The following ZNF519 variants were observed in gnomAD, a reference collection of about 807,000 sequenced individuals.
The protein encoded by ZNF519 is zinc finger protein 519.
Under a neutral mutation model 7.4 loss-of-function variants are expected in ZNF519, and 7 were observed. That is an observed-to-expected ratio of 0.94 (90% CI 0.54 to 1.77). The LOEUF (loss-of-function observed/expected upper bound fraction) is 1.77. ZNF519 is among the 40% of genes most tolerant of loss of function. ZNF519 has a pLI of 0.00. For synonymous variants in ZNF519, 179 were observed against 203.3 expected (o/e 0.88, Z 1.02); for missense variants, 586 against 623.1 (o/e 0.94, Z 0.63).
At chr18:14,079,269 C>A (rs1567937142) in intron 3 of ZNF519, among the ~76,000 whole-genome samples, 1 of 152,136 alleles carries the variant, frequency 6.6e-6, no homozygotes, top group Non-Finnish European at 1.5e-5. Context: ...AACAGAAGAA[C>A]TAAACAAATG....
rs374138718 is a variant in ZNF519, at chr18:14,105,975, C to T, written c.565G>A (p.Val189Ile). 2 of 1,594,754 alleles carry T rather than the reference C, an allele frequency of 1.3e-6. No homozygotes were observed. The highest frequency in any genetic ancestry group is 1.7e-6 in the Non-Finnish European group (2 of 1,167,950). Residue 189 changes from valine (V) to isoleucine (I), a missense_variant, in exon 3 of 3, where the codon GTA (valine) becomes ATA (isoleucine). By Grantham distance (29) the Val-to-Ile change is conservative (BLOSUM62 3). Transcript: ENST00000590202. ...NYYNCNECEK[V>I]FYQSSKLIFP... ...ATAAGCTTTGAGGATTGGTAAAATA[C>T]TTTTTCACATTCATTACAATTGTAA...
At chr18:14,120,907 T>C (rs1345363093) in intron 2 of ZNF519, among the ~76,000 whole-genome samples, 2 of 152,130 alleles carry the variant, frequency 1.3e-5, no homozygotes, top group Admixed American at 1.3e-4. Flanking sequence ...TGAAGAAGTA[T>C]CTTCAGCCCC....
rs544973924 is a variant in ZNF519 at position 14,132,396 on chromosome 18, C to A, written c.-119G>T. On this transcript the variant is annotated 5_prime_UTR_variant, in exon 1 of 3. Transcript: ENST00000590202. ...GTCTCCCGGAGCAGAGGACACAAGGCAATGAAGCCCTAACCCCGCGCTCTG... is the reference window on the plus strand; with the variant it reads ...GTCTCCCGGAGCAGAGGACACAAGGAAATGAAGCCCTAACCCCGCGCTCTG... 15 of 1,294,410 alleles carry A rather than the reference C, an allele frequency of 1.2e-5. No individual in the cohort carries two copies. The highest frequency in any genetic ancestry group is 5.5e-5 in the Admixed American group (3 of 54,618). The allele number at this position is 1,294,410 out of a possible 1,614,324, so 80.2% of individuals were successfully genotyped here. A position where few individuals can be genotyped will look rare whatever the true frequency, so the allele number is the denominator to read the frequency against.
At chr18:14,124,543 T>C (rs1010818960) in intron 1 of ZNF519, 67 bp from the exon 2 acceptor site, 24 of 1,548,710 alleles carry the variant, frequency 1.5e-5, no homozygotes, top group Non-Finnish European at 1.9e-5. Context: ...TTAAAATAAC[T>C]AGTTCTGACT....
chr18:14,109,294 T>G (rs2046209906), intron 2 of ZNF519, among the ~76,000 whole-genome samples: 1 of 152,124 alleles, frequency 6.6e-6, no homozygotes, highest in South Asian at 2.1e-4. Flanking sequence ...CTTTCAGCAT[T>G]GAATAAATCT....
Position 14,104,829 on chromosome 18 carries a change from A to G in ZNF519, c.*88T>C. ...TTTCAAAAATCATTACACATATGGG[A>G]TTTCTATCCAGTATTGATTTTCTAA... On this transcript the variant is annotated 3_prime_UTR_variant, in exon 3 of 3. Coordinates refer to ENST00000590202, the MANE Select transcript of ZNF519 (RefSeq NM_145287.4). The G allele has an allele frequency of 1.5e-6, 2 of 1,336,150 alleles. No individual in the cohort carries two copies. The highest frequency in any genetic ancestry group is 2.0e-6 in the Non-Finnish European group (2 of 1,004,438). The allele number at this position is 1,336,150 out of a possible 1,614,324, so 82.8% of individuals were successfully genotyped here.
At chr18:14,109,365 C>T (rs1169716877) in intron 2 of ZNF519, among the ~76,000 whole-genome samples, 1 of 152,074 alleles carries the variant, frequency 6.6e-6, no homozygotes. Flanking sequence ...ACCAAATGGA[C>T]ATAATGGATA....
intron 3 of ZNF519, among the ~76,000 whole-genome samples, chr18:14,080,607 A>G (rs1161866938): frequency 1.3e-5 from 2 of 152,152 alleles, no homozygotes; most frequent in East Asian, 3.9e-4. Context: ...GGCATAAGCC[A>G]CCGTGCCCGG....
downstream of ZNF519, among the ~76,000 whole-genome samples, chr18:14,099,491 A>T (rs1374668313): frequency 6.6e-6 from 1 of 152,144 alleles, no homozygotes; most frequent in East Asian, 1.9e-4. Context: ...TCTCCTCAGA[A>T]ATCAAAATAT....
Position 14,106,240 on chromosome 18 carries a change from T to A in ZNF519, c.300A>T (p.Leu100=), listed in dbSNP as rs145845036. 111 of 1,613,540 alleles carry A rather than the reference T, an allele frequency of 6.9e-5. No individual in the cohort carries two copies. Among genetic ancestry groups the A allele is most frequent in the Non-Finnish European group, 8.9e-5 (105 of 1,179,928 alleles). ...EGEGQKECYN[L]CSQYLTTSHN... ...GACTAGTTGTCAAATATTGGCTACA[T>A]AGATTATAACATTCCTTTTGTCCTT... Residue 100 remains leucine (L), a synonymous_variant, in exon 3 of 3, where the codon CTA becomes CTT. Transcript: ENST00000590202.
downstream of ZNF519, chr18:14,071,707 A>C (rs1457127656): frequency 6.6e-6 from 1 of 152,244 alleles, no homozygotes; most frequent in African/African-American, 2.4e-5. Flanking sequence ...AATGCAGGAC[A>C]CCAATACTTC....
At chr18:14,130,847 G>GA (rs56750676) in intron 1 of ZNF519, among the ~76,000 whole-genome samples, 31,027 of 145,432 alleles carry the variant, frequency 0.21, 3,071 homozygotes, top group Admixed American at 0.29. Context: ...GGGGTTGGGG[G>GA]AAAAAAAAAA....
chr18:14,088,011 G>A (rs2046098781), intron 2 of ZNF519, among the ~76,000 whole-genome samples: 3 of 152,122 alleles, frequency 2.0e-5, no homozygotes, highest in Admixed American at 1.3e-4. Flanking sequence ...CTCAGAGAAA[G>A]CAAGATCATC....
In ZNF519 at chr18:14,124,428, A is replaced by G. The variant is rs16941623; in HGVS notation, c.52T>C (p.Trp18Arg). The change falls in exon 2 of 3, where the codon TGG becomes CGG. Residue 18 changes from tryptophan (W) to arginine (R), a missense_variant. Transcript: ENST00000590202. Reference protein sequence around the residue: ...DVAIEFSPEEWKCLDPAQQNL... With the variant: ...DVAIEFSPEERKCLDPAQQNL... ...TGTTGGGCAGGGTCTAGGCATTTCC[A>G]CTCTTCTGGAGAGAATTCTATGGCC... The G allele has an allele frequency of 1.7e-3, 2,681 of 1,612,706 alleles. 40 individuals carry two copies. The African/African-American group carries it at 0.032, about 19-fold the overall frequency.
chr18:14,113,334 C>T (rs545907502), intron 2 of ZNF519, among the ~76,000 whole-genome samples: 1 of 152,318 alleles, frequency 6.6e-6, no homozygotes, highest in South Asian at 2.1e-4. Context: ...AAAGGCTAGT[C>T]AGAAACTCAA....
chr18:14,090,734 C>T (rs147843409), intron 2 of ZNF519: 2 of 152,330 alleles, frequency 1.3e-5, no homozygotes, highest in East Asian at 3.9e-4. Context: ...CCTTCATGGG[C>T]AATTTCTCCA....
chr18:14,088,003 C>CA (rs1362575534), intron 2 of ZNF519, among the ~76,000 whole-genome samples: 2 of 152,080 alleles, frequency 1.3e-5, no homozygotes, highest in East Asian at 3.9e-4. Flanking sequence ...CTGGCACACT[C>CA]AGAGAAAGCA....
At chr18:14,107,177 C>A (rs989029425) in intron 2 of ZNF519, among the ~76,000 whole-genome samples, 3 of 152,140 alleles carry the variant, frequency 2.0e-5, no homozygotes, top group Non-Finnish European at 1.5e-5. Context: ...GCACGGTTCA[C>A]AGATTCAAGA....
At position 14,124,485 on chromosome 18, in the gene ZNF519, A is replaced by G; in HGVS notation, c.4-9T>C. On this transcript the variant is annotated splice_polypyrimidine_tract_variant and intron_variant, in intron 1 of 2. Coordinates refer to ENST00000590202, the MANE Select transcript of ZNF519 (RefSeq NM_145287.4). ...CTGAATGTTAAGAGTTCCTGGAAAC[A>G]CATATATCAAGTGACAGAGCTCTTA... 1 of 1,606,626 alleles carries G rather than the reference A, an allele frequency of 6.2e-7. No homozygotes were observed. The highest frequency in any genetic ancestry group is 8.5e-7 in the Non-Finnish European group (1 of 1,178,336).
Sources: gnomAD v4.1 joint callset for allele counts (sites outside exome capture counted in the v4.1 genomes callset) on GRCh38, gnomAD v4.1.1 for gene constraint, MANE v1.5 for transcripts, NCBI Gene and HGNC (gene_info 2026-07-23, HGNC 2026-07-21) for gene names.